ACSBG1: variants seen among roughly 807,000 people sequenced by gnomAD.
ACSBG1 encodes long-chain-fatty-acid--CoA ligase ACSBG1.
A neutral mutation model predicts 80.2 loss-of-function variants in ACSBG1; 39 were observed. The observed-to-expected ratio is 0.49, with a 90% CI of 0.38 to 0.64. The LOEUF (loss-of-function observed/expected upper bound fraction) is 0.64, where lower values mean the gene tolerates loss of function less well. Among genes scored for constraint, ACSBG1 ranks in the 30% least tolerant of loss-of-function variants. The pLI, the probability that ACSBG1 is intolerant of heterozygous loss-of-function variation, is 0.00. For missense variants in ACSBG1, 828 were observed against 966.4 expected, an observed-to-expected ratio of 0.86 and a Z score of 1.90; for synonymous variants, 392 against 379.5, an observed-to-expected ratio of 1.03 and a Z score of -0.38.
intron 8 of ACSBG1, among the ~76,000 whole-genome samples, chr15:78,181,527 G>A (rs909693968): frequency 4.2e-5 from 5 of 120,432 alleles, no homozygotes; most frequent in Admixed American, 3.2e-4. Context: ...ACTGGGCCAT[G>A]CTGTTGCCCA....
intron 2 of ACSBG1, among the ~76,000 whole-genome samples, chr15:78,195,127 C>G (rs1233219313): frequency 6.6e-6 from 1 of 152,178 alleles, no homozygotes; most frequent in Admixed American, 6.5e-5. Context: ...GGGACAGATC[C>G]AGCTAGACAG....
chr15:78,233,775 G>A (rs948897369), intron 1 of ACSBG1, among the ~76,000 whole-genome samples: 1 of 152,182 alleles, frequency 6.6e-6, no homozygotes, highest in African/African-American at 2.4e-5. Context: ...ATCTTCTCAG[G>A]ATCCCCTACT....
intron 1 of ACSBG1, among the ~76,000 whole-genome samples, chr15:78,229,241 A>G (rs1342998182): frequency 6.6e-6 from 1 of 152,256 alleles, no homozygotes; most frequent in Non-Finnish European, 1.5e-5. Context: ...ATTATTCTAC[A>G]ATAAACAATT....
chr15:78,224,795 G>A (rs2075387132), intron 1 of ACSBG1, among the ~76,000 whole-genome samples: 1 of 152,114 alleles, frequency 6.6e-6, no homozygotes, highest in Non-Finnish European at 1.5e-5. Context: ...AAGGAATGGA[G>A]AGCACTATAA....
chr15:78,206,492 G>C (rs2075216150), intron 2 of ACSBG1, among the ~76,000 whole-genome samples: 1 of 152,172 alleles, frequency 6.6e-6, no homozygotes, highest in Non-Finnish European at 1.5e-5. Context: ...CAGGGTGGAG[G>C]ATCCTGGGGC....
At chr15:78,213,030 T>C (rs6495282) in intron 1 of ACSBG1, among the ~76,000 whole-genome samples, 69,974 of 151,974 alleles carry the variant, frequency 0.46, 17,025 homozygotes, top group Non-Finnish European at 0.54. Context: ...GTAGTTCCCA[T>C]CTCTCTCTGC....
chr15:78,198,409 C>T (rs530236931), intron 2 of ACSBG1, among the ~76,000 whole-genome samples: 76 of 151,908 alleles, frequency 5.0e-4, no homozygotes, highest in African/African-American at 1.7e-3. Flanking sequence ...TGCAGTGGCA[C>T]GATCTTGGCT....
At chr15:78,199,355 G>A (rs2075145302) in intron 2 of ACSBG1, among the ~76,000 whole-genome samples, 1 of 151,526 alleles carries the variant, frequency 6.6e-6, no homozygotes, top group Non-Finnish European at 1.5e-5. Context: ...AAAGTGCTAG[G>A]ATTACAGGCA....
chr15:78,182,447 C>T lies in ACSBG1; in HGVS notation c.894+19G>A, dbSNP rs757443855. On this transcript the variant is annotated intron_variant, in intron 7 of 13. Coordinates refer to ENST00000258873, the MANE Select transcript of ACSBG1 (RefSeq NM_015162.5). ...TAACCCCCTTGCACCCCCCCCACCCCACCGGGCATCTGTCCTACATTGTCT... is the reference window on the plus strand; with the variant it reads ...TAACCCCCTTGCACCCCCCCCACCCTACCGGGCATCTGTCCTACATTGTCT... 1 of 1,613,284 alleles carries T rather than the reference C, an allele frequency of 6.2e-7. No individual in the cohort carries two copies. Among genetic ancestry groups the T allele is most frequent in the South Asian group, 1.1e-5 (1 of 91,002 alleles).
At chr15:78,182,849 C>G in intron 5 of ACSBG1, 64 bp from the exon 6 acceptor site, 1 of 1,574,272 alleles carries the variant, frequency 6.4e-7, no homozygotes, top group Admixed American at 1.7e-5. Context: ...AAAAAGTACC[C>G]CATCTCCCTG....
At chr15:78,205,689 T>C (rs1431126004) in intron 2 of ACSBG1, among the ~76,000 whole-genome samples, 1 of 152,220 alleles carries the variant, frequency 6.6e-6, no homozygotes, top group African/African-American at 2.4e-5. Flanking sequence ...GCACAGGGCT[T>C]GATTCTTCTT....
At chr15:78,173,458 G>T in intron 13 of ACSBG1, 135 bp downstream of exon 13, 1 of 1,200,000 alleles carries the variant, frequency 8.3e-7, no homozygotes, top group Non-Finnish European at 1.1e-6. Context: ...CTAACAGGAA[G>T]TAGATGGGTG....
At chr15:78,217,299 C>T (rs1175202930) in intron 1 of ACSBG1, among the ~76,000 whole-genome samples, 1 of 152,238 alleles carries the variant, frequency 6.6e-6, no homozygotes, top group Non-Finnish European at 1.5e-5. Context: ...TTAGCACCCT[C>T]ACTTTACAGA....
At position 78,170,975 on chromosome 15, in the gene ACSBG1, G is replaced by T. The variant is rs1183108011; in HGVS notation, c.*469C>A. The T allele has an allele frequency of 6.5e-6, 1 of 153,670 alleles. No homozygotes were observed. The highest frequency in any genetic ancestry group is 1.9e-4 in the East Asian group (1 of 5,228). 9.5% of individuals were successfully genotyped at this position (153,670 alleles called of 1,614,324 possible). A position where few individuals can be genotyped will look rare whatever the true frequency, so the allele number is the denominator to read the frequency against. Reference sequence around the variant, plus strand: ...GGAGTGCCTGGTAATGGAATAATAGGGTCGGCGATGCCCGCCAAGATTCCA... The same window carrying T: ...GGAGTGCCTGGTAATGGAATAATAGTGTCGGCGATGCCCGCCAAGATTCCA... On this transcript the variant is annotated 3_prime_UTR_variant, in exon 14 of 14. Transcript: ENST00000258873.
chr15:78,191,932 C>T (rs548152556), intron 5 of ACSBG1, among the ~76,000 whole-genome samples: 19 of 152,262 alleles, frequency 1.2e-4, no homozygotes, highest in Non-Finnish European at 2.4e-4. Flanking sequence ...GCTGGTACCT[C>T]CAAGTGTGAC....
chr15:78,179,661 T>TC lies in ACSBG1; in HGVS notation c.1372dup (p.Glu458GlyfsTer21). 1 of 1,614,192 alleles carries TC rather than the reference T, an allele frequency of 6.2e-7. No individual in the cohort carries two copies. Among genetic ancestry groups the TC allele is most frequent in the South Asian group, 1.1e-5 (1 of 91,086 alleles). ...GAGACCCAGGAAGAAGTGCTGTGTCTCTGCCATCATGGGGGCCGCTCCATA... is the reference window on the plus strand; with the variant it reads ...GAGACCCAGGAAGAAGTGCTGTGTCTCCTGCCATCATGGGGGCCGCTCCATA... On this transcript the variant is annotated frameshift_variant, in exon 10 of 14. Transcript: ENST00000258873. LOFTEE classifies it high-confidence loss of function.
rs534010416 is a variant in ACSBG1 at position 78,201,627 on chromosome 15, G to T, written c.232+6375C>A. ...AAGACAGATGCATCTTCTAGCCTGGGGTGTGCAATCCTCCCCCTTCTTCTC... is the reference window on the plus strand; with the variant it reads ...AAGACAGATGCATCTTCTAGCCTGGTGTGTGCAATCCTCCCCCTTCTTCTC... On this transcript the variant is annotated intron_variant, in intron 2 of 13. Transcript: ENST00000258873. Among the ~76,000 whole-genome samples, 12 of 152,288 alleles carry T rather than the reference G, an allele frequency of 7.9e-5. No homozygotes were observed. In the South Asian group the frequency reaches 1.0e-3, roughly 13 times the overall value.
At position 78,226,485 on chromosome 15, in the gene ACSBG1, T is replaced by C. The variant is rs531975073; in HGVS notation, c.131+7886A>G. 133 of 155,036 alleles carry C rather than the reference T, an allele frequency of 8.6e-4. 2 individuals are homozygous for C. Among genetic ancestry groups the C allele is most frequent in the Admixed American group, 1.9e-3 (29 of 15,300 alleles). 9.6% of individuals were successfully genotyped at this position (155,036 alleles called of 1,614,324 possible). On this transcript the variant is annotated intron_variant, in intron 1 of 13. Transcript: ENST00000258873. ...TTCAAGATTTAGTATAAGGCTGTAG[T>C]AGTGGGCCAGGTGTAGTGGCTCCAG...
At chr15:78,204,454 G>A (rs1318411089) in intron 2 of ACSBG1, among the ~76,000 whole-genome samples, 1 of 152,186 alleles carries the variant, frequency 6.6e-6, no homozygotes, top group African/African-American at 2.4e-5. Flanking sequence ...GGGCTGGCCT[G>A]CCCCAGACCT....
Sources: allele counts gnomAD v4.1 joint callset (sites outside exome capture counted in the v4.1 genomes callset), GRCh38; gene constraint gnomAD v4.1.1; transcripts MANE v1.5; gene names NCBI Gene and HGNC (gene_info 2026-07-23, HGNC 2026-07-21).